The following USP37 variants were observed in gnomAD, a reference collection of about 807,000 sequenced individuals.
USP37 encodes the protein ubiquitin specific peptidase 37.
USP37 carries 27 observed loss-of-function variants against 124.0 expected under a neutral mutation model. That is an observed-to-expected ratio of 0.22 (90% CI 0.16 to 0.30). The LOEUF (loss-of-function observed/expected upper bound fraction) is 0.30. Ranked by LOEUF, USP37 falls within the 10% of genes least tolerant of loss-of-function variation. The pLI is 1.00. For synonymous variants in USP37, 365 were observed against 388.0 expected, an observed-to-expected ratio of 0.94 and a Z score of 0.70; for missense variants, 889 against 1,140.4, an observed-to-expected ratio of 0.78 and a Z score of 3.17.
At chr2:218,557,950 A>AAG (rs3074257) in intron 4 of USP37, among the ~76,000 whole-genome samples, 1 of 143,800 alleles carries the variant, frequency 7.0e-6, no homozygotes, top group Non-Finnish European at 1.5e-5. Flanking sequence ...AAAAAAAAAA[A>AAG]GGTGAAAAGA....
rs994066116 is a variant in USP37, at chr2:218,478,081, G to A, written c.1902-1100C>T. Among the ~76,000 whole-genome samples, 6 of 152,114 alleles carry A rather than the reference G, an allele frequency of 3.9e-5. No individual in the cohort carries two copies. In the East Asian group the frequency reaches 1.2e-3, roughly 29 times the overall value. Reference sequence around the variant, plus strand: ...ACTAGAAAATACAATTAACCTGAATGTAAAAACTGAAAATAAACATATAGA... The same window carrying A: ...ACTAGAAAATACAATTAACCTGAATATAAAAACTGAAAATAAACATATAGA... On this transcript the variant is annotated intron_variant, in intron 18 of 25. Transcript: ENST00000258399.
intron 8 of USP37, among the ~76,000 whole-genome samples, chr2:218,542,764 G>A (rs990360325): frequency 1.3e-5 from 2 of 152,128 alleles, no homozygotes; most frequent in African/African-American, 4.8e-5. Context: ...CTTAAAGCCT[G>A]TCTTTTCAAC....
chr2:218,535,877 C>T (rs1304444833), intron 8 of USP37, among the ~76,000 whole-genome samples: 1 of 150,158 alleles, frequency 6.7e-6, no homozygotes, highest in Admixed American at 6.6e-5. Context: ...ATTAGCCAGG[C>T]GTGGTGGCAG....
At chr2:218,480,646 T>C (rs1305429524) in intron 17 of USP37, among the ~76,000 whole-genome samples, 1 of 152,202 alleles carries the variant, frequency 6.6e-6, no homozygotes, top group East Asian at 1.9e-4. Flanking sequence ...TACATATTAT[T>C]ACCTCATTTA....
intron 13 of USP37, 41 bp downstream of exon 13, chr2:218,497,693 G>GT (rs1689153491): frequency 6.2e-7 from 1 of 1,608,906 alleles, no homozygotes; most frequent in African/African-American, 1.3e-5. Flanking sequence ...GTGAGCCACC[G>GT]TGTCAGGCCT....
At chr2:218,521,237 T>C (rs911474044) in intron 10 of USP37, among the ~76,000 whole-genome samples, 3 of 152,208 alleles carry the variant, frequency 2.0e-5, no homozygotes, top group African/African-American at 4.8e-5. Flanking sequence ...TCCGGTTTCA[T>C]GTATTTCCTT....
At chr2:218,504,451 G>A (rs553852773) in intron 11 of USP37, among the ~76,000 whole-genome samples, 8 of 152,052 alleles carry the variant, frequency 5.3e-5, no homozygotes, top group Non-Finnish European at 7.4e-5. Context: ...TTAGAGACAA[G>A]GTCTTGCTCT....
rs903227924 is a variant in USP37 at position 218,452,395 on chromosome 2, T to A, written c.*2535A>T. 28 of 152,118 alleles carry A rather than the reference T, an allele frequency of 1.8e-4. No individual in the cohort carries two copies. Among genetic ancestry groups the A allele is most frequent in the Non-Finnish European group, 3.7e-4 (25 of 68,016 alleles). 9.4% of individuals were successfully genotyped at this position (152,118 alleles called of 1,614,324 possible). On this transcript the variant is annotated 3_prime_UTR_variant, in exon 26 of 26. Coordinates refer to ENST00000258399, the MANE Select transcript of USP37 (RefSeq NM_020935.3). ...ATAATATATTATCTATTTATAATTT[T>A]AAAATATATACAGCCAGCTCAAAAA...
At chr2:218,536,041 A>G (rs1378927458) in intron 8 of USP37, among the ~76,000 whole-genome samples, 1 of 149,400 alleles carries the variant, frequency 6.7e-6, no homozygotes, top group African/African-American at 2.5e-5. Context: ...AAAAAAAAAA[A>G]AGGAAAAGAA....
chr2:218,495,925 C>A lies in USP37; in HGVS notation c.1307G>T (p.Cys436Phe). Residue 436 changes from cysteine to phenylalanine, a missense_variant, in exon 14 of 26, where the codon TGT (cysteine) becomes TTT (phenylalanine). Around this residue, in one of 3 missense-constraint regions of USP37, gnomAD observed 504 missense variants for 714.3 expected, o/e 0.71. Coordinates refer to ENST00000258399, the MANE Select transcript of USP37 (RefSeq NM_020935.3). The stretch of plus-strand genomic sequence containing the variant: ...CATATCTTCTTTCAGCTGGTCCAAA[C>A]ACTGACTTAAAAATTCATGAGCATC... ...QNDAHEFLSQ[C>F]LDQLKEDMEK... is the part of the protein sequence containing the mutation. The A allele has an allele frequency of 6.2e-7, 1 of 1,610,486 alleles. No individual in the cohort carries two copies. The highest frequency in any genetic ancestry group is 8.5e-7 in the Non-Finnish European group (1 of 1,179,246).
chr2:218,477,521 T>C (rs1691042728), intron 18 of USP37, among the ~76,000 whole-genome samples: 1 of 152,318 alleles, frequency 6.6e-6, no homozygotes, highest in Admixed American at 6.5e-5. Context: ...AGAGGGACCC[T>C]TTCTTTCCCA....
Position 218,455,577 on chromosome 2 carries a change from T to C in USP37, c.2852+3A>G. On this transcript the variant is annotated splice_donor_region_variant and intron_variant, in intron 25 of 25. Coordinates refer to ENST00000258399, the MANE Select transcript of USP37 (RefSeq NM_020935.3). ...TTATTTAGAATCTGGCAAAGTTTCT[T>C]ACTTGTGCATATAAAAGAAGATGTA... is the stretch of plus-strand genomic sequence containing the variant. 3 of 1,605,444 alleles carry C rather than the reference T, an allele frequency of 1.9e-6. No homozygotes were observed. Among genetic ancestry groups the C allele is most frequent in the Non-Finnish European group, 2.5e-6 (3 of 1,177,452 alleles).
chr2:218,549,894 T>C lies in USP37; in HGVS notation c.344A>G (p.Gln115Arg). 6.2e-7 allele frequency: 1 copy of C among 1,604,830 alleles called. No homozygotes were observed. Among genetic ancestry groups the C allele is most frequent in the Non-Finnish European group, 8.5e-7 (1 of 1,175,970 alleles). ...AATGGCTCCAAAACTACCAGACCCC[T>C]GAGACGGTTTCATGGCTGGTGACCA... is the stretch of plus-strand genomic sequence containing the variant. ...NRLPAAMKPS[Q>R]GSGSFGAILG... The change falls in exon 6 of 26, where the codon CAG becomes CGG. Residue 115 changes from glutamine (Q) to arginine (R), a missense_variant. This residue lies in a region of USP37 where 374 missense variants were observed against 386.0 expected (regional missense o/e 0.97). Transcript: ENST00000258399.
intron 10 of USP37, chr2:218,528,806 A>AG: frequency 4.4e-6 from 1 of 227,012 alleles, no homozygotes; most frequent in Non-Finnish European, 6.9e-6. Flanking sequence ...TAAATCTGAA[A>AG]AAAAAAAAAA....
chr2:218,538,527 G>T (rs577216940), intron 8 of USP37, among the ~76,000 whole-genome samples: 1 of 152,268 alleles, frequency 6.6e-6, no homozygotes, highest in South Asian at 2.1e-4. Context: ...ATGTCAGCCA[G>T]CCTCTGTCCT....
At chr2:218,522,520 G>T (rs1690713779) in intron 10 of USP37, among the ~76,000 whole-genome samples, 1 of 144,408 alleles carries the variant, frequency 6.9e-6, no homozygotes, top group Non-Finnish European at 1.5e-5. Context: ...CTAGGATTGT[G>T]CCACCGTACT....
At position 218,450,498 on chromosome 2, in the gene USP37, G is replaced by A. The variant is rs1437766624; in HGVS notation, c.*4432C>T. The A allele has an allele frequency of 1.3e-5, 2 of 152,598 alleles. No individual in the cohort carries two copies. The highest frequency in any genetic ancestry group is 4.8e-5 in the African/African-American group (2 of 41,438). The allele number at this position is 152,598 out of a possible 1,614,324, so 9.5% of individuals were successfully genotyped here. ...AGAAAACCTGGTAGTGGCTCAATTA[G>A]GCAAAGTGTAGGAATCTCATTTTTG... On this transcript the variant is annotated 3_prime_UTR_variant, in exon 26 of 26. Coordinates refer to ENST00000258399, the MANE Select transcript of USP37 (RefSeq NM_020935.3).
At chr2:218,528,106 G>A (rs775558160) in intron 10 of USP37, among the ~76,000 whole-genome samples, 1 of 152,104 alleles carries the variant, frequency 6.6e-6, no homozygotes, top group Non-Finnish European at 1.5e-5. Context: ...GGAGGCTGAG[G>A]CAGGCTAATC....
At chr2:218,545,041 G>A (rs1414923484) in intron 8 of USP37, among the ~76,000 whole-genome samples, 1 of 152,162 alleles carries the variant, frequency 6.6e-6, no homozygotes, top group Non-Finnish European at 1.5e-5. Flanking sequence ...GTTCTCATGA[G>A]ATTTGGAGTT....
Sources: gnomAD v4.1 joint callset for allele counts (sites outside exome capture counted in the v4.1 genomes callset) on GRCh38, gnomAD v4.1.1 for gene constraint, gnomAD v4.1.1 regional missense constraint, MANE v1.5 for transcripts, NCBI Gene and HGNC (gene_info 2026-07-23, HGNC 2026-07-21) for gene names.